SGCZ: variants seen among roughly 807,000 people sequenced by gnomAD.
SGCZ encodes zeta-sarcoglycan.
SGCZ carries 40 observed loss-of-function variants against 41.3 expected under a neutral mutation model. That is an observed-to-expected ratio of 0.97 (90% CI 0.75 to 1.26). SGCZ has a LOEUF of 1.26. Among genes scored for constraint, SGCZ ranks in the 50% most tolerant of loss-of-function variants. SGCZ has a pLI of 0.00. For missense variants in SGCZ, 552 were observed against 369.8 expected, an observed-to-expected ratio of 1.49 and a Z score of -4.04; for synonymous variants, 206 against 137.5, an observed-to-expected ratio of 1.50 and a Z score of -3.49.
chr8:14,527,697 C>T (rs1051482666), intron 2 of SGCZ, among the ~76,000 whole-genome samples: 1 of 152,050 alleles, frequency 6.6e-6, no homozygotes, highest in African/African-American at 2.4e-5. Flanking sequence ...GTTCCTCCAT[C>T]ATGCTAGTAA....
chr8:14,366,152 A>C (rs1803699358), intron 2 of SGCZ, among the ~76,000 whole-genome samples: 1 of 152,176 alleles, frequency 6.6e-6, no homozygotes, highest in Admixed American at 6.6e-5. Context: ...TCTCTGTATT[A>C]GTCTGCTGTC....
chr8:15,223,315 A>C (rs1801665633), intron 1 of SGCZ, among the ~76,000 whole-genome samples: 1 of 152,188 alleles, frequency 6.6e-6, no homozygotes, highest in African/African-American at 2.4e-5. Context: ...CAGCTACAAA[A>C]ACATAGCTTC....
chr8:15,118,229 T>G (rs1172213779), intron 1 of SGCZ, among the ~76,000 whole-genome samples: 1 of 152,256 alleles, frequency 6.6e-6, no homozygotes, highest in African/African-American at 2.4e-5. Context: ...AAAATCATTA[T>G]TCTTTCTTGG....
At chr8:15,194,429 T>C (rs553044719) in intron 1 of SGCZ, among the ~76,000 whole-genome samples, 1 of 152,266 alleles carries the variant, frequency 6.6e-6, no homozygotes, top group African/African-American at 2.4e-5. Context: ...CATACACACA[T>C]GCCATGATGC....
intron 5 of SGCZ, among the ~76,000 whole-genome samples, chr8:14,119,611 G>A (rs1802635159): frequency 6.6e-6 from 1 of 152,184 alleles, no homozygotes; most frequent in African/African-American, 2.4e-5. Context: ...TAGGAGTGGT[G>A]AGAGAGGTTA....
intron 1 of SGCZ, among the ~76,000 whole-genome samples, chr8:14,583,921 A>T (rs755975914): frequency 8.5e-5 from 13 of 152,064 alleles, no homozygotes; most frequent in African/African-American, 3.1e-4. Context: ...GTATGCAATT[A>T]TGTATGATGC....
chr8:14,498,233 T>A (rs756234923), intron 2 of SGCZ, among the ~76,000 whole-genome samples: 5 of 152,232 alleles, frequency 3.3e-5, no homozygotes, highest in African/African-American at 4.8e-5. Flanking sequence ...TTTGATGGAA[T>A]GAATCCTTAA....
At chr8:14,388,118 T>C (rs1249785807) in intron 2 of SGCZ, among the ~76,000 whole-genome samples, 1 of 152,120 alleles carries the variant, frequency 6.6e-6, no homozygotes, top group Non-Finnish European at 1.5e-5. Flanking sequence ...GTGAAATGCA[T>C]TATTAAGCAA....
chr8:15,033,840 G>T (rs1803776967), intron 1 of SGCZ, among the ~76,000 whole-genome samples: 1 of 152,056 alleles, frequency 6.6e-6, no homozygotes, highest in Admixed American at 6.6e-5. Flanking sequence ...AGTGGATTCA[G>T]GCACCGTACT....
intron 2 of SGCZ, among the ~76,000 whole-genome samples, chr8:14,327,239 A>G (rs548979879): frequency 3.9e-5 from 6 of 152,320 alleles, no homozygotes; most frequent in East Asian, 3.9e-4. Context: ...TTCAGGCATG[A>G]TAAGACTTAC....
chr8:14,317,457 G>C (rs1801755971), intron 3 of SGCZ, among the ~76,000 whole-genome samples: 1 of 151,844 alleles, frequency 6.6e-6, no homozygotes, highest in South Asian at 2.1e-4. Context: ...ATGAGCCACA[G>C]AAATAATAAA....
At chr8:14,195,157 C>G (rs1417739598) in intron 4 of SGCZ, among the ~76,000 whole-genome samples, 1 of 152,006 alleles carries the variant, frequency 6.6e-6, no homozygotes, top group Non-Finnish European at 1.5e-5. Flanking sequence ...AGTATTTACA[C>G]AAGTGTTCAA....
chr8:14,858,413 T>C (rs1435899358), intron 1 of SGCZ, among the ~76,000 whole-genome samples: 1 of 152,158 alleles, frequency 6.6e-6, no homozygotes, highest in Non-Finnish European at 1.5e-5. Context: ...AAGGCAATTG[T>C]AGTGTGACAA....
chr8:14,874,491 C>G (rs866139594), intron 1 of SGCZ, among the ~76,000 whole-genome samples: 1 of 152,086 alleles, frequency 6.6e-6, no homozygotes, highest in Non-Finnish European at 1.5e-5. Context: ...TATCCACCAA[C>G]TGACTTTTAT....
chr8:14,346,415 G>A (rs1056776361), intron 2 of SGCZ, among the ~76,000 whole-genome samples: 3 of 151,916 alleles, frequency 2.0e-5, no homozygotes, highest in Admixed American at 6.6e-5. Flanking sequence ...TTCACTTTGA[G>A]TGATTTACTA....
At chr8:14,594,831 G>A (rs1805356241) in intron 1 of SGCZ, among the ~76,000 whole-genome samples, 2 of 151,360 alleles carry the variant, frequency 1.3e-5, no homozygotes, top group East Asian at 1.9e-4. Context: ...GACGTAAGAC[G>A]TTTTCCTTAA....
intron 4 of SGCZ, among the ~76,000 whole-genome samples, chr8:14,203,337 G>A (rs1031161207): frequency 3.3e-5 from 5 of 152,018 alleles, no homozygotes; most frequent in Admixed American, 6.6e-5. Flanking sequence ...TCTTATCTAC[G>A]TTCATAAATG....
chr8:14,142,132 AC>A (rs1803389817), intron 5 of SGCZ, among the ~76,000 whole-genome samples: 1 of 152,172 alleles, frequency 6.6e-6, no homozygotes, highest in African/African-American at 2.4e-5. Context: ...GCACTTGGAC[AC>A]AGGGTGGGGA....
At chr8:14,838,775 T>C (rs1802794866) in intron 1 of SGCZ, among the ~76,000 whole-genome samples, 1 of 152,182 alleles carries the variant, frequency 6.6e-6, no homozygotes. Context: ...CTCCCTTGTA[T>C]CTTTTCGTGG....
Sources: gnomAD v4.1 joint callset for allele counts (sites outside exome capture counted in the v4.1 genomes callset) on GRCh38, gnomAD v4.1.1 for gene constraint, MANE v1.5 for transcripts, NCBI Gene and HGNC (gene_info 2026-07-23, HGNC 2026-07-21) for gene names.